The following DPYD variants were observed in gnomAD, a reference collection of about 807,000 sequenced individuals.
DPYD encodes dihydropyrimidine dehydrogenase [NADP(+)].
DPYD carries 109 observed loss-of-function variants against 116.2 expected under a neutral mutation model. The observed-to-expected ratio is 0.94, with a 90% CI of 0.80 to 1.10. DPYD has a LOEUF of 1.10. Ranked by LOEUF, DPYD falls within the 50% of genes least tolerant of loss-of-function variation. The pLI, the probability that DPYD is intolerant of heterozygous loss-of-function variation, is 0.00. For missense variants in DPYD, 1,302 were observed against 1,254.5 expected, an observed-to-expected ratio of 1.04 and a Z score of -0.57; for synonymous variants, 440 against 432.0, an observed-to-expected ratio of 1.02 and a Z score of -0.23.
At chr1:97,396,892 T>G (rs1173344374) in intron 14 of DPYD, among the ~76,000 whole-genome samples, 4 of 151,896 alleles carry the variant, frequency 2.6e-5, no homozygotes, top group African/African-American at 7.2e-5. Context: ...ACAGAATCAC[T>G]GCTTTCTCTT....
chr1:97,352,578 A>AAT (rs1670205032), intron 16 of DPYD, among the ~76,000 whole-genome samples: 1 of 151,070 alleles, frequency 6.6e-6, no homozygotes, highest in Non-Finnish European at 1.5e-5. Context: ...AAAAAAAAAA[A>AAT]ATCTTACAGA....
At chr1:97,777,850 A>C (rs1172681155) in intron 3 of DPYD, among the ~76,000 whole-genome samples, 1 of 152,040 alleles carries the variant, frequency 6.6e-6, no homozygotes, top group Non-Finnish European at 1.5e-5. Flanking sequence ...TTTTTCTCTT[A>C]AGATTACATC....
intron 13 of DPYD, among the ~76,000 whole-genome samples, chr1:97,505,961 G>T (rs540372714): frequency 8.8e-4 from 134 of 151,878 alleles, no homozygotes; most frequent in Non-Finnish European, 1.7e-3. Context: ...GGTAAGAAAA[G>T]GTAATTGGTG....
intron 20 of DPYD, among the ~76,000 whole-genome samples, chr1:97,188,343 C>A (rs1658138942): frequency 1.3e-5 from 2 of 152,162 alleles, no homozygotes; most frequent in South Asian, 4.1e-4. Context: ...AAAATGACTG[C>A]TGCTGTTCTT....
At chr1:97,435,998 T>C (rs1049856234) in intron 14 of DPYD, among the ~76,000 whole-genome samples, 1 of 152,070 alleles carries the variant, frequency 6.6e-6, no homozygotes, top group South Asian at 2.1e-4. Flanking sequence ...CATTTAAGCC[T>C]CTCATAAAAC....
At chr1:97,797,664 T>C (rs1326124938) in intron 3 of DPYD, 1 of 152,076 alleles carries the variant, frequency 6.6e-6, no homozygotes, top group Non-Finnish European at 1.5e-5. Flanking sequence ...AGGCTGAATA[T>C]AGTTCCAGGA....
chr1:97,840,694 C>T (rs965018030), intron 2 of DPYD, among the ~76,000 whole-genome samples: 5 of 152,102 alleles, frequency 3.3e-5, no homozygotes, highest in Middle Eastern at 3.4e-3. Context: ...GATGTGAAAT[C>T]CATGAAAGGC....
At chr1:97,538,799 G>T (rs1650205354) in intron 12 of DPYD, among the ~76,000 whole-genome samples, 1 of 152,132 alleles carries the variant, frequency 6.6e-6, no homozygotes, top group Admixed American at 6.5e-5. Flanking sequence ...ATGTATTTTA[G>T]ATTCAGTATC....
chr1:97,618,384 T>TC (rs1656425212), intron 8 of DPYD, among the ~76,000 whole-genome samples: 1 of 150,934 alleles, frequency 6.6e-6, no homozygotes, highest in South Asian at 2.1e-4. Flanking sequence ...TTTCTTTTTT[T>TC]TTTTTTTTCT....
chr1:97,680,646 T>C (rs1571179688), intron 7 of DPYD, among the ~76,000 whole-genome samples: 1 of 152,142 alleles, frequency 6.6e-6, no homozygotes, highest in Non-Finnish European at 1.5e-5. Context: ...TAATAATATA[T>C]GTAATCTGAA....
At chr1:97,834,779 G>T (rs1426062762) in intron 2 of DPYD, among the ~76,000 whole-genome samples, 1 of 151,462 alleles carries the variant, frequency 6.6e-6, no homozygotes, top group Non-Finnish European at 1.5e-5. Flanking sequence ...AAAAAAATGA[G>T]TCAATTAGGT....
At chr1:97,164,232 T>C (rs552729907) in intron 20 of DPYD, among the ~76,000 whole-genome samples, 10 of 152,258 alleles carry the variant, frequency 6.6e-5, no homozygotes, top group Admixed American at 4.6e-4. Context: ...TACTTCCCTT[T>C]ATGTTTAAAA....
chr1:97,232,153 T>C (rs1661624554), intron 19 of DPYD, among the ~76,000 whole-genome samples: 1 of 152,224 alleles, frequency 6.6e-6, no homozygotes, highest in South Asian at 2.1e-4. Flanking sequence ...TGTCTTGATT[T>C]CTGGCTCATT....
Position 97,329,736 on chromosome 1 carries a change from G to A in DPYD, c.2059-23439C>T, listed in dbSNP as rs914554876. 2.1e-5 allele frequency among the ~76,000 whole-genome samples: 3 copies of A among 142,866 alleles called. No individual in the cohort carries two copies. In the Admixed American group the frequency reaches 2.2e-4, roughly 10 times the overall value. 93.7% of individuals were successfully genotyped at this position (142,866 alleles called of 152,430 possible). A position where few individuals can be genotyped will look rare whatever the true frequency, so the allele number is the denominator to read the frequency against. On this transcript the variant is annotated intron_variant, in intron 16 of 22. Transcript: ENST00000370192. ...CCACTGCACTCCAGCCTGGGCGACAGAGTGAAACTCCATCTTAAAAAAAAA... is the reference window on the plus strand; with the variant it reads ...CCACTGCACTCCAGCCTGGGCGACAAAGTGAAACTCCATCTTAAAAAAAAA...
chr1:97,546,304 C>T (rs899000660), intron 12 of DPYD: 3 of 1,432,344 alleles, frequency 2.1e-6, no homozygotes, highest in Admixed American at 1.7e-5. Flanking sequence ...TGTGCTATTA[C>T]CACAGTCAAA....
chr1:97,870,105 A>G (rs1186939739), intron 2 of DPYD, among the ~76,000 whole-genome samples: 1 of 151,898 alleles, frequency 6.6e-6, no homozygotes, highest in Non-Finnish European at 1.5e-5. Context: ...TACTGATTCA[A>G]TTTGCAAATG....
chr1:97,669,520 A>G (rs1250520242), intron 8 of DPYD, among the ~76,000 whole-genome samples: 1 of 152,192 alleles, frequency 6.6e-6, no homozygotes, highest in African/African-American at 2.4e-5. Flanking sequence ...CTGATTTGAT[A>G]TAAATTTCAA....
chr1:97,334,439 G>T (rs1222315640), intron 16 of DPYD, among the ~76,000 whole-genome samples: 1 of 151,772 alleles, frequency 6.6e-6, no homozygotes, highest in Non-Finnish European at 1.5e-5. Flanking sequence ...CATGGTCATT[G>T]TTCAACTCAT....
intron 20 of DPYD, among the ~76,000 whole-genome samples, chr1:97,172,585 G>T (rs933097036): frequency 6.6e-6 from 1 of 152,118 alleles, no homozygotes; most frequent in Non-Finnish European, 1.5e-5. Context: ...CTGGCAGTTG[G>T]AAGTTGTAGA....
Sources: allele counts gnomAD v4.1 joint callset (sites outside exome capture counted in the v4.1 genomes callset), GRCh38; gene constraint gnomAD v4.1.1; transcripts MANE v1.5; gene names NCBI Gene and HGNC (gene_info 2026-07-23, HGNC 2026-07-21).